ANK1: variants seen among roughly 807,000 people sequenced by gnomAD.
ANK1 encodes ankyrin 1.
In ANK1, 51 loss-of-function variants were observed where a neutral mutation model predicts 210.4. That is an observed-to-expected ratio of 0.24 (90% CI 0.19 to 0.31). The LOEUF (loss-of-function observed/expected upper bound fraction) is 0.31, where lower values mean the gene tolerates loss of function less well. Among genes scored for constraint, ANK1 ranks in the 10% least tolerant of loss-of-function variants. The pLI is 1.00. For missense variants in ANK1, 2,051 were observed against 2,504.4 expected (o/e 0.82, Z 3.86); for synonymous variants, 967 against 1,025.9 (o/e 0.94, Z 1.10).
intron 1 of ANK1, among the ~76,000 whole-genome samples, chr8:41,851,241 T>C (rs1811175908): frequency 1.3e-5 from 2 of 152,206 alleles, no homozygotes; most frequent in African/African-American, 2.4e-5. Context: ...TCTTCGTCTG[T>C]CTCTTCTTTC....
Position 41,692,784 on chromosome 8 carries a change from T to G in ANK1, c.3722A>C (p.Lys1241Thr). 6.2e-7 allele frequency: 1 copy of G among 1,613,992 alleles called. No homozygotes were observed. Reference sequence around the variant, plus strand: ...ATTCATCTTGGCAAAGATGACGAATTTGGCCATGTAGGGCACTGCAGTGAG... The same window carrying G: ...ATTCATCTTGGCAAAGATGACGAATGTGGCCATGTAGGGCACTGCAGTGAG... ...KELTAVPYMA[K>T]FVIFAKMNDP... The change falls in exon 31 of 43, where the codon AAA becomes ACA. Residue 1241 changes from lysine (K) to threonine (T), a missense_variant. Around this residue, in one of 6 missense-constraint regions of ANK1, gnomAD observed 1,413 missense variants for 1,707.4 expected, o/e 0.83. Coordinates refer to ENST00000289734, the MANE Select transcript of ANK1 (RefSeq NM_000037.4).
At chr8:41,877,808 A>G (rs2150829353) in intron 1 of ANK1, among the ~76,000 whole-genome samples, 1 of 152,324 alleles carries the variant, frequency 6.6e-6, no homozygotes. Context: ...AAAGGAGTAG[A>G]CTAGCTTCGT....
chr8:41,693,249 G>A (rs757175191), intron 29 of ANK1, 48 bp from the exon 30 acceptor site: 2 of 1,475,406 alleles, frequency 1.4e-6, no homozygotes, highest in South Asian at 1.1e-5. Context: ...CAGGATGTAA[G>A]CATGGAGCTT....
intron 37 of ANK1, among the ~76,000 whole-genome samples, chr8:41,675,520 A>G (rs186888912): frequency 2.2e-4 from 33 of 152,374 alleles, no homozygotes; most frequent in Non-Finnish European, 4.4e-5. Context: ...CAACTTGCGG[A>G]AGGCCATACA....
chr8:41,674,673 C>G (rs1813592557), intron 37 of ANK1, among the ~76,000 whole-genome samples: 1 of 152,234 alleles, frequency 6.6e-6, no homozygotes, highest in Non-Finnish European at 1.5e-5. Flanking sequence ...GCTGTGTACT[C>G]CGCATGCATT....
chr8:41,817,706 G>A (rs919240611), intron 1 of ANK1, among the ~76,000 whole-genome samples: 1 of 152,178 alleles, frequency 6.6e-6, no homozygotes, highest in Non-Finnish European at 1.5e-5. Context: ...TAGGAGGGAA[G>A]AGCTAAAGGA....
intron 1 of ANK1, among the ~76,000 whole-genome samples, chr8:41,866,349 C>A (rs1313890698): frequency 3.3e-5 from 5 of 152,154 alleles, no homozygotes; most frequent in African/African-American, 1.2e-4. Context: ...ACCACCAAAC[C>A]TGGCTGATTT....
At chr8:41,666,777 C>T (rs936290189) in intron 39 of ANK1, among the ~76,000 whole-genome samples, 3 of 152,240 alleles carry the variant, frequency 2.0e-5, no homozygotes, top group African/African-American at 7.2e-5. Context: ...CCAGGCTGGG[C>T]ATGCTGGCCT....
chr8:41,842,048 C>T (rs1395707166), intron 1 of ANK1, among the ~76,000 whole-genome samples: 1 of 152,226 alleles, frequency 6.6e-6, no homozygotes, highest in East Asian at 1.9e-4. Context: ...GTAGGAGCGG[C>T]TGTAGAGACA....
intron 1 of ANK1, among the ~76,000 whole-genome samples, chr8:41,840,995 T>C (rs1587353881): frequency 6.6e-6 from 1 of 151,842 alleles, no homozygotes; most frequent in African/African-American, 2.4e-5. Flanking sequence ...GTGTGGAGGG[T>C]CTTTCAGCAA....
At chr8:41,791,907 G>A (rs528254384) in intron 1 of ANK1, among the ~76,000 whole-genome samples, 1 of 60,708 alleles carries the variant, frequency 1.6e-5, no homozygotes, top group Non-Finnish European at 3.4e-5. Flanking sequence ...TCCTATAGGA[G>A]AGAAGGGCTG....
upstream of ANK1, among the ~76,000 whole-genome samples, chr8:41,800,633 C>T (rs1849716286): frequency 6.6e-6 from 1 of 152,208 alleles, no homozygotes; most frequent in African/African-American, 2.4e-5. Context: ...ATGCCCTGCT[C>T]CCCTCCCCAA....
intron 1 of ANK1, among the ~76,000 whole-genome samples, chr8:41,854,056 TA>T (rs1370484763): frequency 4.6e-5 from 7 of 152,272 alleles, no homozygotes; most frequent in African/African-American, 1.4e-4. Context: ...ATTTATTCAC[TA>T]ATTAATCTTT....
At chr8:41,873,529 G>A (rs1260591287) in intron 1 of ANK1, among the ~76,000 whole-genome samples, 1 of 152,216 alleles carries the variant, frequency 6.6e-6, no homozygotes, top group African/African-American at 2.4e-5. Flanking sequence ...ACCAGGCTGT[G>A]GTTACAAGTG....
intron 1 of ANK1, among the ~76,000 whole-genome samples, chr8:41,818,212 C>T (rs888806698): frequency 3.9e-5 from 6 of 152,144 alleles, no homozygotes; most frequent in Admixed American, 1.3e-4. Flanking sequence ...AAATGTTTCC[C>T]GCCTGAGCTA....
intron 1 of ANK1, among the ~76,000 whole-genome samples, chr8:41,887,242 C>CTTTTTTTTTTTTTTTTTTTT (rs35112522): frequency 1.2e-5 from 1 of 80,712 alleles, no homozygotes; most frequent in African/African-American, 5.6e-5. Flanking sequence ...CTTTCCTTTC[C>CTTTTTTTTTTTTTTTTTTTT]TTTTTTTTTT....
Position 41,815,714 on chromosome 8 carries a change from C to T in ANK1, c.127-57577G>A, listed in dbSNP as rs76103123. On this transcript the variant is annotated intron_variant, in intron 1 of 42. Transcript: ENST00000265709. ...TATTAGAATTTTAAGACTTAGTAAC[C>T]CTAATTTCCAGTGAAAACCTAGGAA... Among the ~76,000 whole-genome samples, 164 of 152,106 alleles carry T rather than the reference C, an allele frequency of 1.1e-3. 2 individuals carry two copies. In the East Asian group the frequency reaches 0.029, roughly 27 times the overall value.
In ANK1 at chr8:41,758,029, C is replaced by T; in HGVS notation, c.129+7G>A. 1 of 1,612,756 alleles carries T rather than the reference C, an allele frequency of 6.2e-7. No homozygotes were observed. The highest frequency in any genetic ancestry group is 8.5e-7 in the Non-Finnish European group (1 of 1,178,710). ...AGAGACAACAGGCCTGCCTCCATCC[C>T]ACTTACCTGGTTACAGGTGTTAATA... On this transcript the variant is annotated splice_region_variant and intron_variant, in intron 2 of 42. Transcript: ENST00000289734.
chr8:41,788,582 A>T (rs1006400717), intron 1 of ANK1, among the ~76,000 whole-genome samples: 1 of 152,180 alleles, frequency 6.6e-6, no homozygotes. Context: ...GGTAATTTTT[A>T]TGTGGCCACT....
Sources: gnomAD v4.1 joint callset for allele counts (sites outside exome capture counted in the v4.1 genomes callset) on GRCh38, gnomAD v4.1.1 for gene constraint, gnomAD v4.1.1 regional missense constraint, MANE v1.5 for transcripts, NCBI Gene and HGNC (gene_info 2026-07-23, HGNC 2026-07-21) for gene names.